Variants in PLXNA4 observed in about 807,000 individuals in gnomAD.
The protein encoded by PLXNA4 is plexin A4.
A neutral mutation model predicts 191.8 loss-of-function variants in PLXNA4; 44 were observed. The ratio of observed to expected loss-of-function variants is 0.23; its 90% confidence interval spans 0.18 to 0.29. The LOEUF is 0.29. Ranked by LOEUF, PLXNA4 falls within the 10% of genes least tolerant of loss-of-function variation. The pLI is 1.00. For synonymous variants in PLXNA4, 1,082 were observed against 1,009.5 expected (o/e 1.07, Z -1.36); for missense variants, 1,800 against 2,488.8 (o/e 0.72, Z 5.89).
chr7:132,515,285 G>A (rs1798893288), intron 1 of PLXNA4, among the ~76,000 whole-genome samples: 1 of 152,298 alleles, frequency 6.6e-6, no homozygotes. Context: ...AAAGGATAGA[G>A]AGTACTGGGT....
At chr7:132,148,080 G>T in intron 26 of PLXNA4, 81 bp from the exon 27 acceptor site, 1 of 1,603,198 alleles carries the variant, frequency 6.2e-7, no homozygotes, top group Non-Finnish European at 8.5e-7. Flanking sequence ...GATGAACTTG[G>T]CACTAAGGGG....
At position 132,241,052 on chromosome 7, in the gene PLXNA4, C is replaced by T; in HGVS notation, c.1604+14G>A. The stretch of plus-strand genomic sequence containing the variant: ...GAAGTGGGAGGCACGAGGCAGCCTC[C>T]CCATGGTACTCACGTGTTGTGCAGC... On this transcript the variant is annotated intron_variant, in intron 5 of 31. Coordinates refer to ENST00000321063, the MANE Select transcript of PLXNA4 (RefSeq NM_020911.2). 6.3e-7 allele frequency: 1 copy of T among 1,578,776 alleles called. No individual in the cohort carries two copies. Among genetic ancestry groups the T allele is most frequent in the Non-Finnish European group, 8.6e-7 (1 of 1,157,010 alleles).
intron 25 of PLXNA4, among the ~76,000 whole-genome samples, chr7:132,151,643 G>A (rs999911301): frequency 2.0e-5 from 3 of 151,560 alleles, no homozygotes; most frequent in Non-Finnish European, 1.5e-5. Context: ...AGGAGAGGAA[G>A]AAGAGGAAGA....
At chr7:132,580,169 G>T (rs1050873110), upstream of PLXNA4, among the ~76,000 whole-genome samples, 1 of 152,154 alleles carries the variant, frequency 6.6e-6, no homozygotes, top group African/African-American at 2.4e-5. Context: ...TAGGGAATTA[G>T]AGTCGCTTTC....
intron 18 of PLXNA4, 82 bp downstream of exon 18, chr7:132,181,299 C>T: frequency 6.3e-7 from 1 of 1,579,772 alleles, no homozygotes; most frequent in South Asian, 1.2e-5. Context: ...AGAAATGTGG[C>T]AGGAGTCTGT....
At chr7:132,336,645 C>A (rs879313110) in intron 3 of PLXNA4, among the ~76,000 whole-genome samples, 4 of 152,204 alleles carry the variant, frequency 2.6e-5, no homozygotes, top group African/African-American at 4.8e-5. Context: ...CACCACCCCC[C>A]ACTCTATACA....
Position 132,228,416 on chromosome 7 carries a change from G to A in PLXNA4, c.1658C>T (p.Ser553Leu), listed in dbSNP as rs187775340. Residue 553 changes from serine to leucine, a missense_variant, in exon 6 of 32, where the codon TCG becomes TTG. Around this residue, in one of 6 missense-constraint regions of PLXNA4, gnomAD observed 1,397 missense variants for 1,880.4 expected, o/e 0.74. Transcript: ENST00000321063. Reference sequence around the variant, plus strand: ...CAGCCGGACACACTGCTTCATCTCCGAGGCAAACCTGCGGGGCTCCTTGGA... The same window carrying A: ...CAGCCGGACACACTGCTTCATCTCCAAGGCAAACCTGCGGGGCTCCTTGGA... ...ERSKEPRRFA[S>L]EMKQCVRLTV... 2.9e-5 allele frequency: 47 copies of A among 1,614,106 alleles called. No homozygotes were observed. Among genetic ancestry groups the A allele is most frequent in the Middle Eastern group, 1.6e-4 (1 of 6,062 alleles).
At chr7:132,310,205 C>T (rs1488803495) in intron 3 of PLXNA4, among the ~76,000 whole-genome samples, 3 of 152,208 alleles carry the variant, frequency 2.0e-5, no homozygotes, top group Non-Finnish European at 4.4e-5. Context: ...TCAGAGCTGC[C>T]GTGAGGATCT....
At chr7:132,562,870 T>C (rs1246959479) in intron 1 of PLXNA4, among the ~76,000 whole-genome samples, 12 of 115,512 alleles carry the variant, frequency 1.0e-4, no homozygotes, top group African/African-American at 3.3e-4. Context: ...CTCCTTCTCC[T>C]CCTCCTCTTC....
intron 4 of PLXNA4, among the ~76,000 whole-genome samples, chr7:132,245,026 C>T (rs971891592): frequency 6.6e-6 from 1 of 152,116 alleles, no homozygotes; most frequent in Non-Finnish European, 1.5e-5. Context: ...CCTCTCCCAT[C>T]CCCCAACTCC....
At chr7:132,482,588 TC>T (rs917881432) in intron 3 of PLXNA4, among the ~76,000 whole-genome samples, 1 of 152,120 alleles carries the variant, frequency 6.6e-6, no homozygotes, top group Non-Finnish European at 1.5e-5. Context: ...TAAGTGTTGT[TC>T]AAAGCCTCTA....
Position 132,179,793 on chromosome 7 carries a change from C to T in PLXNA4, c.3768G>A (p.Val1256=). The T allele has an allele frequency of 6.2e-7, 1 of 1,613,802 alleles. No individual in the cohort carries two copies. Among genetic ancestry groups the T allele is most frequent in the Non-Finnish European group, 8.5e-7 (1 of 1,180,022 alleles). Reference sequence around the variant, plus strand: ...GGGACTTGCGTTTATAGGCAATGAGCACGGCCACGATGAAAATGATGAGGA... The same window carrying T: ...GGGACTTGCGTTTATAGGCAATGAGTACGGCCACGATGAAAATGATGAGGA... ...GGLLIIFIVA[V]LIAYKRKSRE... is the part of the protein sequence containing the mutation. Residue 1256 remains valine (V), a synonymous_variant, in exon 20 of 32, where the codon GTG becomes GTA. Transcript: ENST00000321063.
chr7:132,322,478 T>C (rs1802210981), intron 3 of PLXNA4, among the ~76,000 whole-genome samples: 1 of 152,198 alleles, frequency 6.6e-6, no homozygotes, highest in African/African-American at 2.4e-5. Flanking sequence ...CCACCGTGCC[T>C]GGCCAGAAGG....
At chr7:132,169,372 C>T (rs762944807) in intron 21 of PLXNA4, among the ~76,000 whole-genome samples, 3 of 152,190 alleles carry the variant, frequency 2.0e-5, no homozygotes, top group Non-Finnish European at 4.4e-5. Context: ...GTGTGGAAGG[C>T]CCACCTCTGA....
chr7:132,429,687 T>C (rs1286069113), intron 3 of PLXNA4, among the ~76,000 whole-genome samples: 2 of 152,240 alleles, frequency 1.3e-5, no homozygotes, highest in Admixed American at 6.5e-5. Flanking sequence ...GGGTTGGAGT[T>C]TGCCGACTGT....
At chr7:132,249,554 C>T (rs534302141) in intron 4 of PLXNA4, among the ~76,000 whole-genome samples, 3 of 152,292 alleles carry the variant, frequency 2.0e-5, no homozygotes, top group South Asian at 2.1e-4. Context: ...TAAAATGGCA[C>T]GTGATCGTTA....
At chr7:132,151,249 G>A (rs1343946767) in intron 25 of PLXNA4, among the ~76,000 whole-genome samples, 1 of 143,606 alleles carries the variant, frequency 7.0e-6, no homozygotes, top group East Asian at 2.1e-4. Flanking sequence ...AGGATGAAGA[G>A]GAAGAAGAAG....
chr7:132,627,361 C>T (rs1803399635), intron 2 of PLXNA4, among the ~76,000 whole-genome samples: 1 of 152,188 alleles, frequency 6.6e-6, no homozygotes, highest in Admixed American at 6.5e-5. Context: ...ATTCTTATAT[C>T]ACAATTTTCA....
chr7:132,508,611 C>T lies in PLXNA4; in HGVS notation c.83G>A (p.Arg28Gln), dbSNP rs755346984. ...VGMGSSTLLT[R>Q]QPAPLSQKQR... ...CTTCTGGGACAGCGGGGCTGGCTGC[C>T]GGGTGAGCAAAGTGGAGGAGCCCAT... Residue 28 changes from arginine to glutamine, a missense_variant, in exon 2 of 32, where the codon CGG becomes CAG. By Grantham distance (43) the Arg-to-Gln change is conservative. Transcript: ENST00000321063. This position sits in a 1 kb window ranked among gnomAD's most constrained non-coding sequence, Gnocchi z 4.4. The T allele has an allele frequency of 7.4e-5, 120 of 1,611,570 alleles. No individual in the cohort carries two copies. The highest frequency in any genetic ancestry group is 1.8e-4 in the Admixed American group (11 of 59,772).
Sources: allele counts gnomAD v4.1 joint callset (sites outside exome capture counted in the v4.1 genomes callset), GRCh38; gene constraint gnomAD v4.1.1; regional missense constraint gnomAD v4.1.1; non-coding constraint Gnocchi (gnomAD v3.1); transcripts MANE v1.5; gene names NCBI Gene and HGNC (gene_info 2026-07-23, HGNC 2026-07-21).